ZNF417: variants seen among roughly 807,000 people sequenced by gnomAD.
The protein encoded by ZNF417 is zinc finger protein 417.
Under a neutral mutation model 7.4 loss-of-function variants are expected in ZNF417, and 5 were observed. The ratio of observed to expected loss-of-function variants is 0.68; its 90% CI spans 0.35 to 1.43. ZNF417 has a LOEUF of 1.43. Ranked by LOEUF, ZNF417 falls within the 40% of genes most tolerant of loss-of-function variation. The pLI is 0.04. For synonymous variants in ZNF417, 147 were observed against 239.1 expected (o/e 0.61, Z 3.55); for missense variants, 437 against 697.3 (o/e 0.63, Z 4.20).
At chr19:57,915,705 C>G in intron 1 of ZNF417, 1 of 400,924 alleles carries the variant, frequency 2.5e-6, no homozygotes, top group Non-Finnish European at 4.4e-6. Flanking sequence ...TGAAAAGACC[C>G]CCTTCTTGCC....
chr19:57,912,317 C>T, intron 1 of ZNF417, 128 bp from the exon 2 acceptor site: 1 of 1,494,178 alleles, frequency 6.7e-7, no homozygotes, highest in Non-Finnish European at 9.0e-7. Flanking sequence ...ACTATGTCCA[C>T]TAGTGCCTTT....
At chr19:57,912,554 C>G (rs149811451) in intron 1 of ZNF417, among the ~76,000 whole-genome samples, 178 of 152,264 alleles carry the variant, frequency 1.2e-3, no homozygotes, top group Middle Eastern at 3.4e-3. Flanking sequence ...GCCACCCCTA[C>G]CTGAGTTTTC....
intron 2 of ZNF417, 60 bp downstream of exon 2, chr19:57,912,000 T>C (rs2071902511): frequency 7.2e-6 from 11 of 1,521,358 alleles, no homozygotes; most frequent in Non-Finnish European, 8.8e-6. Context: ...GTCCTGTCAA[T>C]GAAAAACAGG....
rs748664441 is a variant in ZNF417, at chr19:57,912,056, T to C, written c.163+4A>G. ...GGTCACAAAGGTGAGCGTGAGCAACTTACCCAGCGAGGATATGAGAGCCAG... is the reference window on the plus strand; with the variant it reads ...GGTCACAAAGGTGAGCGTGAGCAACCTACCCAGCGAGGATATGAGAGCCAG... On this transcript the variant is annotated splice_donor_region_variant and intron_variant, in intron 2 of 2. Coordinates refer to ENST00000312026, the MANE Select transcript of ZNF417 (RefSeq NM_152475.3). The C allele has an allele frequency of 1.3e-6, 2 of 1,562,962 alleles. No individual in the cohort carries two copies. Among genetic ancestry groups the C allele is most frequent in the African/African-American group, 1.4e-5 (1 of 73,038 alleles).
chr19:57,906,581 T>C lies in ZNF417; in HGVS notation c.*1969A>G, dbSNP rs143993973. On this transcript the variant is annotated 3_prime_UTR_variant, in exon 3 of 3. Transcript: ENST00000312026. ...TTTGAGACCAGCCTGGCTAACGTAG[T>C]GAAAGCCCATCTCTACTAAAAATAC... 0.011 allele frequency among the ~76,000 whole-genome samples: 1,633 copies of C among 151,128 alleles called. 17 individuals are homozygous for C. The highest frequency in any genetic ancestry group is 0.031 in the Middle Eastern group (9 of 294).
rs1170177267 is a variant in ZNF417, at chr19:57,908,701, C to A, written c.1577G>T (p.Gly526Val). The part of the protein sequence containing the change: ...GQKPYKCSEC[G>V]KSFAECSSLI... Reference sequence around the variant, plus strand: ...ACTGGAACATTCAGCAAAGGATTTTCCACATTCACTGCACTTATAAGGCTT... The same window carrying A: ...ACTGGAACATTCAGCAAAGGATTTTACACATTCACTGCACTTATAAGGCTT... The change falls in exon 3 of 3, where the codon GGA becomes GTA. Residue 526 changes from glycine to valine, a missense_variant. Gly to Val is a moderately radical substitution (Grantham distance 109, BLOSUM62 -3). Coordinates refer to ENST00000312026, the MANE Select transcript of ZNF417 (RefSeq NM_152475.3). 15 of 1,614,090 alleles carry A rather than the reference C, an allele frequency of 9.3e-6. No individual in the cohort carries two copies. The highest frequency in any genetic ancestry group is 1.3e-5 in the Non-Finnish European group (15 of 1,180,030).
intron 2 of ZNF417, among the ~76,000 whole-genome samples, chr19:57,911,033 G>T (rs533662016): frequency 2.4e-4 from 36 of 152,248 alleles, no homozygotes; most frequent in African/African-American, 7.9e-4. Context: ...CAACAAGAGC[G>T]AAACTCCATC....
chr19:57,914,670 C>A (rs2042906), intron 1 of ZNF417, among the ~76,000 whole-genome samples: 1 of 151,910 alleles, frequency 6.6e-6, no homozygotes, highest in Non-Finnish European at 1.5e-5. Context: ...GTGTGTGCAC[C>A]AAGGTCCAAC....
intron 1 of ZNF417, among the ~76,000 whole-genome samples, chr19:57,912,850 A>G (rs1422052600): frequency 2.0e-5 from 3 of 152,004 alleles, no homozygotes; most frequent in Non-Finnish European, 4.4e-5. Flanking sequence ...CCTGGTCTCA[A>G]GTGATCCATC....
Position 57,909,207 on chromosome 19 carries a change from A to C in ZNF417, c.1071T>G (p.Cys357Trp), listed in dbSNP as rs2071869105. The change falls in exon 3 of 3, where the codon TGT becomes TGG. Residue 357 changes from cysteine (C) to tryptophan (W), a missense_variant. Transcript: ENST00000312026. ...TGERAYHCGECGKSFRQKFCF... is the reference protein window; with the variant it reads ...TGERAYHCGEWGKSFRQKFCF... ...AGAACTTCTGACGAAAAGATTTCCC[A>C]CATTCCCCACAGTGATAAGCTCTCT... 4.3e-6 allele frequency: 7 copies of C among 1,614,030 alleles called. No individual in the cohort carries two copies. Among genetic ancestry groups the C allele is most frequent in the Non-Finnish European group, 5.9e-6 (7 of 1,179,944 alleles).
chr19:57,916,439 G>A lies in ZNF417; in HGVS notation c.-28C>T. 4 of 1,613,900 alleles carry A rather than the reference G, an allele frequency of 2.5e-6. No individual in the cohort carries two copies. The highest frequency in any genetic ancestry group is 3.4e-6 in the Non-Finnish European group (4 of 1,180,006). ...GACTACTTGGGGAAGCACGGCCCGG[G>A]AGCAGTGGTCGCCGTCACGGGGCTG... On this transcript the variant is annotated 5_prime_UTR_variant, in exon 1 of 3. Transcript: ENST00000312026.
At chr19:57,913,061 C>T (rs2071914076) in intron 1 of ZNF417, among the ~76,000 whole-genome samples, 1 of 151,726 alleles carries the variant, frequency 6.6e-6, no homozygotes, top group Non-Finnish European at 1.5e-5. Flanking sequence ...CCTGCCTTAT[C>T]ACCTTGATAA....
intron 1 of ZNF417, among the ~76,000 whole-genome samples, chr19:57,913,213 A>G (rs979091208): frequency 4.6e-5 from 7 of 152,146 alleles, no homozygotes; most frequent in African/African-American, 1.7e-4. Context: ...GCCTTATACC[A>G]AAATGTGGAT....
chr19:57,905,917 T>G lies in ZNF417; in HGVS notation c.*2633A>C, dbSNP rs1445732564. On this transcript the variant is annotated 3_prime_UTR_variant, in exon 3 of 3. Coordinates refer to ENST00000312026, the MANE Select transcript of ZNF417 (RefSeq NM_152475.3). ...AGACAAGAGCCTGCAGAGACTAAAA[T>G]TGCTTAGTACTGAAAGTTTTGCCTA... 6.6e-6 allele frequency among the ~76,000 whole-genome samples: 1 copy of G among 152,172 alleles called. No individual in the cohort carries two copies. The highest frequency in any genetic ancestry group is 2.1e-4 in the South Asian group (1 of 4,830).
At chr19:57,915,960 C>G (rs1217858934) in intron 1 of ZNF417, among the ~76,000 whole-genome samples, 1 of 152,168 alleles carries the variant, frequency 6.6e-6, no homozygotes, top group Non-Finnish European at 1.5e-5. Context: ...CCACCCAGAA[C>G]AGAAAACAGC....
At chr19:57,910,266 C>A in intron 2 of ZNF417, 152 bp from the exon 3 acceptor site, 1 of 1,460,170 alleles carries the variant, frequency 6.8e-7, no homozygotes, top group Non-Finnish European at 9.1e-7. Context: ...GGGCTGCTGG[C>A]CGGGCGCAGT....
intron 1 of ZNF417, among the ~76,000 whole-genome samples, chr19:57,913,674 T>A (rs544484133): frequency 6.6e-6 from 1 of 152,318 alleles, no homozygotes; most frequent in South Asian, 2.1e-4. Context: ...TCTGCATGCA[T>A]CTATCTCATC....
chr19:57,914,483 C>CAAAAAAAAAAAAAAAAAAA (rs528220711), intron 1 of ZNF417, among the ~76,000 whole-genome samples: 1 of 57,616 alleles, frequency 1.7e-5, no homozygotes, highest in Non-Finnish European at 3.6e-5. Flanking sequence ...CGAAACTCCA[C>CAAAAAAAAAAAAAAAAAAA]AAAAAAAAAA....
chr19:57,911,470 T>C (rs2071898774), intron 2 of ZNF417, among the ~76,000 whole-genome samples: 1 of 152,108 alleles, frequency 6.6e-6, no homozygotes, highest in Non-Finnish European at 1.5e-5. Flanking sequence ...TTGAACCACA[T>C]CTTGTCAAAC....
Sources: allele counts gnomAD v4.1 joint callset (sites outside exome capture counted in the v4.1 genomes callset), GRCh38; gene constraint gnomAD v4.1.1; transcripts MANE v1.5; gene names NCBI Gene and HGNC (gene_info 2026-07-23, HGNC 2026-07-21).